PTPN14: variants seen among roughly 807,000 people sequenced by gnomAD.
The protein encoded by PTPN14 is protein tyrosine phosphatase non-receptor type 14, also known as tyrosine-protein phosphatase non-receptor type 14.
Under a neutral mutation model 126.8 loss-of-function variants are expected in PTPN14, and 53 were observed. That is an observed-to-expected ratio of 0.42 (90% CI 0.34 to 0.53). The LOEUF (loss-of-function observed/expected upper bound fraction) is 0.53, where lower values mean the gene tolerates loss of function less well. Among genes scored for constraint, PTPN14 ranks in the 20% least tolerant of loss-of-function variants. The pLI is 0.08. For missense variants in PTPN14, 1,257 were observed against 1,552.9 expected (o/e 0.81, Z 3.20); for synonymous variants, 630 against 599.3 (o/e 1.05, Z -0.75).
intron 3 of PTPN14, among the ~76,000 whole-genome samples, chr1:214,427,465 C>T (rs1270531492): frequency 3.3e-5 from 5 of 151,978 alleles, no homozygotes; most frequent in African/African-American, 1.2e-4. Context: ...AGTAAACCAA[C>T]TTAGTTTACT....
intron 1 of PTPN14, among the ~76,000 whole-genome samples, chr1:214,503,797 C>T (rs1048043089): frequency 1.5e-4 from 23 of 152,208 alleles, no homozygotes; most frequent in African/African-American, 5.3e-4. Flanking sequence ...TGTATGCGTT[C>T]AGCAGCAAAC....
chr1:214,389,211 T>C (rs1041601260), intron 11 of PTPN14, among the ~76,000 whole-genome samples: 2 of 152,210 alleles, frequency 1.3e-5, no homozygotes, highest in African/African-American at 4.8e-5. Flanking sequence ...GCAAAATTGG[T>C]TTACTGTGTT....
At chr1:214,426,054 AAAAAGG>A (rs1427197455) in intron 3 of PTPN14, among the ~76,000 whole-genome samples, 1 of 150,248 alleles carries the variant, frequency 6.7e-6, no homozygotes, top group Non-Finnish European at 1.5e-5. Context: ...AAAAAAAAAA[AAAAAGG>A]AAGGAAGAAG....
At chr1:214,439,259 C>T (rs1195879456) in intron 3 of PTPN14, among the ~76,000 whole-genome samples, 2 of 152,176 alleles carry the variant, frequency 1.3e-5, no homozygotes, top group African/African-American at 4.8e-5. Flanking sequence ...TATCTTTTCA[C>T]AGTTGGCCAT....
intron 3 of PTPN14, among the ~76,000 whole-genome samples, chr1:214,430,012 A>C (rs1659762140): frequency 6.6e-6 from 1 of 152,226 alleles, no homozygotes; most frequent in Non-Finnish European, 1.5e-5. Flanking sequence ...CATCCTGTGA[A>C]CGTGTGACCC....
chr1:214,533,710 G>A (rs769618967), intron 1 of PTPN14, among the ~76,000 whole-genome samples: 2 of 151,888 alleles, frequency 1.3e-5, no homozygotes, highest in African/African-American at 2.4e-5. Flanking sequence ...GGTGGCGGGC[G>A]CCTGTAGTCC....
At chr1:214,486,420 A>C (rs1167828914) in intron 1 of PTPN14, among the ~76,000 whole-genome samples, 2 of 152,302 alleles carry the variant, frequency 1.3e-5, no homozygotes, top group East Asian at 3.9e-4. Context: ...TTAAAGTATG[A>C]GCCTTTATTG....
chr1:214,462,231 G>A (rs1055147975), intron 2 of PTPN14, among the ~76,000 whole-genome samples: 1 of 152,210 alleles, frequency 6.6e-6, no homozygotes, highest in South Asian at 2.1e-4. Flanking sequence ...ATCACACTAC[G>A]GCACACACTT....
At chr1:214,442,932 T>C in intron 3 of PTPN14, among the ~76,000 whole-genome samples, 1 of 151,920 alleles carries the variant, frequency 6.6e-6, no homozygotes. Context: ...CAAGCGATTC[T>C]CCCGCCTCAG....
chr1:214,384,834 C>CCA lies in PTPN14; in HGVS notation c.1067-48_1067-47dup. The CCA allele has an allele frequency of 6.4e-7, 1 of 1,573,054 alleles. No individual in the cohort carries two copies. The highest frequency in any genetic ancestry group is 2.2e-5 in the East Asian group (1 of 44,640). On this transcript the variant is annotated intron_variant, in intron 12 of 18. Transcript: ENST00000366956. The surrounding 1 kb of genome is among the most constrained non-coding windows in gnomAD (Gnocchi z 5.3). ...GCACGTGAACCTCCAAGCCATCCTG[C>CCA]CACAACAAAGTACATCCTCATACTC...
chr1:214,439,729 C>T (rs1265772452), intron 3 of PTPN14, among the ~76,000 whole-genome samples: 2 of 152,158 alleles, frequency 1.3e-5, no homozygotes, highest in African/African-American at 2.4e-5. Context: ...TAACTTGACA[C>T]CTGCTGACAC....
intron 3 of PTPN14, among the ~76,000 whole-genome samples, chr1:214,427,124 C>T (rs1659684407): frequency 6.6e-6 from 1 of 151,502 alleles, no homozygotes; most frequent in Non-Finnish European, 1.5e-5. Context: ...ACTAAAAATA[C>T]AAAAATTAGC....
chr1:214,360,669 A>G (rs914113410), intron 18 of PTPN14, among the ~76,000 whole-genome samples: 1 of 152,256 alleles, frequency 6.6e-6, no homozygotes, highest in Admixed American at 6.5e-5. Context: ...TGGTGTTCAG[A>G]GCACAGGCTC....
chr1:214,360,193 C>T (rs75242185), intron 18 of PTPN14, among the ~76,000 whole-genome samples: 52 of 152,172 alleles, frequency 3.4e-4, no homozygotes, highest in Non-Finnish European at 6.9e-4. Flanking sequence ...GACTTTGTAA[C>T]CTTTGAACCT....
chr1:214,423,146 G>C (rs535953598), intron 3 of PTPN14, among the ~76,000 whole-genome samples: 2 of 151,890 alleles, frequency 1.3e-5, no homozygotes, highest in African/African-American at 2.4e-5. Flanking sequence ...AGAGGGAAAG[G>C]GGGGAGGGAG....
chr1:214,408,551 G>GA (rs200521493), intron 5 of PTPN14, among the ~76,000 whole-genome samples: 2,606 of 152,318 alleles, frequency 0.017, 82 homozygotes, highest in African/African-American at 0.059. Flanking sequence ...CACAGGCTGT[G>GA]TGCCAGATGA....
chr1:214,360,121 G>C (rs1657920222), intron 18 of PTPN14, among the ~76,000 whole-genome samples: 1 of 152,124 alleles, frequency 6.6e-6, no homozygotes, highest in South Asian at 2.1e-4. Context: ...ATGGCACCCA[G>C]GAAGTTTTCA....
At chr1:214,497,515 A>C (rs1654558730) in intron 1 of PTPN14, among the ~76,000 whole-genome samples, 1 of 152,226 alleles carries the variant, frequency 6.6e-6, no homozygotes, top group Non-Finnish European at 1.5e-5. Flanking sequence ...TTCCACTTTT[A>C]ATCTATGCTA....
At chr1:214,458,203 C>G (rs1660428312) in intron 2 of PTPN14, among the ~76,000 whole-genome samples, 1 of 152,106 alleles carries the variant, frequency 6.6e-6, no homozygotes, top group African/African-American at 2.4e-5. Flanking sequence ...GCATGCATCA[C>G]CATGCCTGGC....
Sources: gnomAD v4.1 joint callset for allele counts (sites outside exome capture counted in the v4.1 genomes callset) on GRCh38, gnomAD v4.1.1 for gene constraint, Gnocchi (gnomAD v3.1) non-coding constraint, MANE v1.5 for transcripts, NCBI Gene and HGNC (gene_info 2026-07-23, HGNC 2026-07-21) for gene names.